EEF2K: variants seen among roughly 807,000 people sequenced by gnomAD.
EEF2K encodes the protein eukaryotic elongation factor 2 kinase.
EEF2K carries 70 observed loss-of-function variants against 93.8 expected under a neutral mutation model. That is an observed-to-expected ratio of 0.75 (90% CI 0.62 to 0.91). The LOEUF is 0.91. EEF2K is among the 40% of genes least tolerant of loss of function. The pLI is 0.00. For missense variants in EEF2K, 935 were observed against 972.9 expected, an observed-to-expected ratio of 0.96 and a Z score of 0.52; for synonymous variants, 376 against 380.8, an observed-to-expected ratio of 0.99 and a Z score of 0.15.
intron 2 of EEF2K, among the ~76,000 whole-genome samples, chr16:22,238,405 G>A (rs754810130): frequency 7.9e-5 from 12 of 152,054 alleles, no homozygotes; most frequent in Non-Finnish European, 1.3e-4. Flanking sequence ...GATCATTATG[G>A]CATTATAAGT....
intron 2 of EEF2K, among the ~76,000 whole-genome samples, chr16:22,228,006 C>CTT (rs1051682997): frequency 0.052 from 4,150 of 80,140 alleles, 197 homozygotes; most frequent in Non-Finnish European, 0.056. Context: ...AAACCAAATT[C>CTT]TTTTTTTTTT....
chr16:22,255,526 G>A (rs749969757), intron 6 of EEF2K, among the ~76,000 whole-genome samples: 2 of 152,202 alleles, frequency 1.3e-5, no homozygotes, highest in Non-Finnish European at 2.9e-5. Context: ...GCACAGTCAT[G>A]TGGCCACACT....
intron 11 of EEF2K, among the ~76,000 whole-genome samples, chr16:22,262,521 A>T (rs953522129): frequency 6.6e-6 from 1 of 152,004 alleles, no homozygotes; most frequent in Non-Finnish European, 1.5e-5. Context: ...AAAAAAAAAT[A>T]AAAATGTGTG....
At chr16:22,263,680 A>G (rs1240904466) in intron 12 of EEF2K, among the ~76,000 whole-genome samples, 1 of 152,240 alleles carries the variant, frequency 6.6e-6, no homozygotes, top group Non-Finnish European at 1.5e-5. Context: ...CATGTGGACC[A>G]GTAACGGGGC....
intron 15 of EEF2K, among the ~76,000 whole-genome samples, chr16:22,268,720 T>C (rs1374940760): frequency 1.3e-5 from 2 of 151,830 alleles, no homozygotes; most frequent in Non-Finnish European, 2.9e-5. Flanking sequence ...CTTTGGGAGA[T>C]GGAGGCGGGT....
chr16:22,250,498 C>T lies in EEF2K; in HGVS notation c.409-156C>T, dbSNP rs115254205. ...TTGGAAGGCCTCTATGGCTTTGGTG[C>T]TGAGACATAGAAGGGAGATCCCCAG... On this transcript the variant is annotated intron_variant, in intron 4 of 17. Transcript: ENST00000263026. Among the ~76,000 whole-genome samples, 905 of 152,160 alleles carry T rather than the reference C, an allele frequency of 5.9e-3. 14 individuals are homozygous for T. The highest frequency in any genetic ancestry group is 0.02 in the African/African-American group (848 of 41,520).
intron 1 of EEF2K, among the ~76,000 whole-genome samples, chr16:22,224,645 AAAG>A (rs1364717709): frequency 1.0e-5 from 1 of 99,582 alleles, no homozygotes; most frequent in African/African-American, 4.7e-5. Context: ...TCAAAAAAAA[AAAG>A]AAAAGAAAAG....
chr16:22,215,879 C>A (rs112631009), intron 1 of EEF2K, among the ~76,000 whole-genome samples: 132 of 152,270 alleles, frequency 8.7e-4, no homozygotes, highest in African/African-American at 3.0e-3. Context: ...AAGCCGAGAT[C>A]ACGCCACTGC....
At chr16:22,249,029 G>A (rs1181642243) in intron 4 of EEF2K, among the ~76,000 whole-genome samples, 1 of 149,626 alleles carries the variant, frequency 6.7e-6, no homozygotes, top group Non-Finnish European at 1.5e-5. Context: ...GAGCACAGTG[G>A]CACAGTCACA....
chr16:22,235,190 G>A (rs1437807464), intron 2 of EEF2K, among the ~76,000 whole-genome samples: 2 of 151,730 alleles, frequency 1.3e-5, no homozygotes, highest in Non-Finnish European at 2.9e-5. Context: ...CTCCAGCCTG[G>A]GAGACAGAGC....
intron 3 of EEF2K, among the ~76,000 whole-genome samples, chr16:22,245,502 G>A (rs1330397234): frequency 6.6e-6 from 1 of 151,996 alleles, no homozygotes; most frequent in Non-Finnish European, 1.5e-5. Context: ...GGAGGCATCA[G>A]GCTCTGGGAA....
chr16:22,229,137 CAAAAACA>C (rs1009741981), intron 2 of EEF2K, among the ~76,000 whole-genome samples: 17 of 151,812 alleles, frequency 1.1e-4, no homozygotes, highest in Admixed American at 8.5e-4. Flanking sequence ...GACTCCATCT[CAAAAACA>C]AAAAACAAAA....
intron 17 of EEF2K, among the ~76,000 whole-genome samples, chr16:22,282,862 GT>G (rs1219307158): frequency 6.6e-6 from 1 of 152,192 alleles, no homozygotes; most frequent in Non-Finnish European, 1.5e-5. Flanking sequence ...TGAATGAAGA[GT>G]TCAACATATG....
At chr16:22,272,915 A>G (rs894844431) in intron 15 of EEF2K, among the ~76,000 whole-genome samples, 2 of 152,056 alleles carry the variant, frequency 1.3e-5, no homozygotes, top group African/African-American at 2.4e-5. Flanking sequence ...ACCTCAGATG[A>G]TCCACCCGCC....
chr16:22,253,629 C>G (rs912676661), intron 6 of EEF2K, among the ~76,000 whole-genome samples: 1 of 152,082 alleles, frequency 6.6e-6, no homozygotes, highest in Non-Finnish European at 1.5e-5. Flanking sequence ...GAAGTGGTCC[C>G]TCTGCCCCAG....
At chr16:22,236,853 C>G (rs2047172320) in intron 2 of EEF2K, among the ~76,000 whole-genome samples, 1 of 150,002 alleles carries the variant, frequency 6.7e-6, no homozygotes, top group Non-Finnish European at 1.5e-5. Context: ...ATTTTGTACT[C>G]TCAGACTTTG....
intron 12 of EEF2K, chr16:22,263,419 G>A (rs557584070): frequency 2.3e-4 from 56 of 240,864 alleles, no homozygotes; most frequent in Admixed American, 5.1e-4. Flanking sequence ...GACCAGCCTG[G>A]CCAACATGGT....
Position 22,280,305 on chromosome 16 carries a change from TGATGCTGGCCAGGGAGGCCGA to T in EEF2K, c.2005_2025del (p.Ala669_Leu675del), listed in dbSNP as rs1191511550. The stretch of plus-strand genomic sequence containing the variant: ...GGAATGCAGGACGAGCCCCGGTACA[TGATGCTGGCCAGGGAGGCCGA>T]GATGCTGTTCACAGGAGGCTACGGG... On this transcript the variant is annotated inframe_deletion, in exon 17 of 18. Transcript: ENST00000263026. 4 of 1,608,770 alleles carry T rather than the reference TGATGCTGGCCAGGGAGGCCGA, an allele frequency of 2.5e-6. No individual in the cohort carries two copies. Among genetic ancestry groups the T allele is most frequent in the African/African-American group, 1.3e-5 (1 of 74,654 alleles).
At chr16:22,209,952 T>C (rs2046899114) in intron 1 of EEF2K, among the ~76,000 whole-genome samples, 1 of 152,134 alleles carries the variant, frequency 6.6e-6, no homozygotes, top group African/African-American at 2.4e-5. Flanking sequence ...GCTACCACCA[T>C]GGCTGGCTAA....
Sources: gnomAD v4.1 joint callset for allele counts (sites outside exome capture counted in the v4.1 genomes callset) on GRCh38, gnomAD v4.1.1 for gene constraint, MANE v1.5 for transcripts, NCBI Gene and HGNC (gene_info 2026-07-23, HGNC 2026-07-21) for gene names.